The following IGSF10 variants were observed in gnomAD, a reference collection of about 807,000 sequenced individuals.
IGSF10 encodes the protein immunoglobulin superfamily member 10, also known as calvaria mechanical force protein 608.
Under a neutral mutation model 128.2 loss-of-function variants are expected in IGSF10, and 126 were observed. That is an observed-to-expected ratio of 0.98 (90% confidence interval 0.85 to 1.14). The LOEUF is 1.14. Ranked by LOEUF, IGSF10 falls within the 50% of genes most tolerant of loss-of-function variation. IGSF10 has a pLI of 0.00. For synonymous variants in IGSF10, 1,185 were observed against 1,146.2 expected (o/e 1.03, Z -0.68); for missense variants, 3,295 against 3,149.8 (o/e 1.05, Z -1.10).
At position 151,449,113 on chromosome 3, in the gene IGSF10, A is replaced by G. The variant is rs772182496; in HGVS notation, c.868T>C (p.Ser290Pro). 15 of 1,614,058 alleles carry G rather than the reference A, an allele frequency of 9.3e-6. No individual in the cohort carries two copies. Among genetic ancestry groups the G allele is most frequent in the Admixed American group, 1.7e-5 (1 of 60,000 alleles). Residue 290 changes from serine (S) to proline (P), a missense_variant, in exon 6 of 8, where the codon TCA becomes CCA. Physicochemically the swap from Ser to Pro is moderately conservative, Grantham distance 74. Transcript: ENST00000282466. ...AKPTIDSSLKSKSLTILEDSS... is the reference protein window; with the variant it reads ...AKPTIDSSLKPKSLTILEDSS... Reference sequence around the variant, plus strand: ...TCTTCCAGAATAGTCAGGCTCTTTGATTTCAGGGATGAGTCAATGGTTGGC... The same window carrying G: ...TCTTCCAGAATAGTCAGGCTCTTTGGTTTCAGGGATGAGTCAATGGTTGGC...
chr3:151,467,762 T>C, the IGSF10 span, among the ~76,000 whole-genome samples: 1 of 151,772 alleles, frequency 6.6e-6, no homozygotes. Flanking sequence ...CGGGCACCTG[T>C]AGTCCCAGCT....
At chr3:151,509,827 T>C in the IGSF10 span, among the ~76,000 whole-genome samples, 1 of 152,210 alleles carries the variant, frequency 6.6e-6, no homozygotes, top group Non-Finnish European at 1.5e-5. Flanking sequence ...CAGGAGATTA[T>C]ATCCTGCACA....
chr3:151,619,917 T>C, the IGSF10 span, among the ~76,000 whole-genome samples: 5 of 152,180 alleles, frequency 3.3e-5, no homozygotes, highest in Admixed American at 6.5e-5. Context: ...ATGGGATGCA[T>C]TGTGCCATCT....
the IGSF10 span, among the ~76,000 whole-genome samples, chr3:151,614,052 CA>C: frequency 1.3e-5 from 2 of 151,990 alleles, no homozygotes; most frequent in Non-Finnish European, 2.9e-5. Context: ...TTTATGCAGG[CA>C]AAAAACACAT....
the IGSF10 span, among the ~76,000 whole-genome samples, chr3:151,496,077 T>G: frequency 5.9e-5 from 9 of 152,124 alleles, no homozygotes; most frequent in Non-Finnish European, 1.2e-4. Flanking sequence ...TATAAGGCCT[T>G]TCTAGAAGCC....
the IGSF10 span, among the ~76,000 whole-genome samples, chr3:151,521,435 T>G: frequency 3.2e-4 from 48 of 151,958 alleles, no homozygotes; most frequent in Non-Finnish European, 5.9e-4. Flanking sequence ...TGGTGCATAC[T>G]GTAAAACTGA....
At chr3:151,503,971 A>G in the IGSF10 span, among the ~76,000 whole-genome samples, 1 of 152,106 alleles carries the variant, frequency 6.6e-6, no homozygotes, top group Non-Finnish European at 1.5e-5. Flanking sequence ...GTCTCAAAAT[A>G]TATCAAACAC....
intron 2 of IGSF10, among the ~76,000 whole-genome samples, chr3:151,459,589 T>C (rs1007059596): frequency 6.6e-6 from 1 of 152,182 alleles, no homozygotes; most frequent in Non-Finnish European, 1.5e-5. Context: ...TCTCTGCCTT[T>C]TTCCTTGGTC....
the IGSF10 span, among the ~76,000 whole-genome samples, chr3:151,482,294 T>A: frequency 2.6e-4 from 40 of 152,238 alleles, no homozygotes; most frequent in African/African-American, 9.4e-4. Flanking sequence ...AAATAGACAG[T>A]TCAATGAAAC....
At chr3:151,463,184 G>A (rs893643071), upstream of IGSF10, among the ~76,000 whole-genome samples, 1 of 152,110 alleles carries the variant, frequency 6.6e-6, no homozygotes, top group East Asian at 1.9e-4. Flanking sequence ...ATTGCTTTAT[G>A]TCAGAGCTCT....
chr3:151,480,786 G>T, the IGSF10 span, among the ~76,000 whole-genome samples: 1 of 151,950 alleles, frequency 6.6e-6, no homozygotes, highest in Non-Finnish European at 1.5e-5. Flanking sequence ...TCCCTATAGG[G>T]CTGAACTGAA....
At chr3:151,602,440 A>G in the IGSF10 span, among the ~76,000 whole-genome samples, 1 of 152,228 alleles carries the variant, frequency 6.6e-6, no homozygotes, top group South Asian at 2.1e-4. Context: ...CCAATGCTAC[A>G]TGTGTGGCCT....
chr3:151,593,990 T>A, the IGSF10 span, among the ~76,000 whole-genome samples: 2 of 141,290 alleles, frequency 1.4e-5, no homozygotes, highest in African/African-American at 5.0e-5. Context: ...AGGGAATGAA[T>A]ACGGCAGATC....
the IGSF10 span, among the ~76,000 whole-genome samples, chr3:151,500,849 T>TG: frequency 6.6e-6 from 1 of 152,126 alleles, no homozygotes; most frequent in African/African-American, 2.4e-5. Flanking sequence ...TAGCAGATCT[T>TG]GAGTTCCCTC....
chr3:151,504,446 T>TA, the IGSF10 span, among the ~76,000 whole-genome samples: 6 of 152,202 alleles, frequency 3.9e-5, no homozygotes, highest in African/African-American at 7.2e-5. Flanking sequence ...TTAGGATTAA[T>TA]AAAAAATATC....
chr3:151,479,113 T>G, the IGSF10 span, among the ~76,000 whole-genome samples: 2 of 152,124 alleles, frequency 1.3e-5, no homozygotes, highest in Non-Finnish European at 2.9e-5. Context: ...GTAGTCTAGG[T>G]CAAAGAAATC....
At chr3:151,502,900 G>C in the IGSF10 span, among the ~76,000 whole-genome samples, 2 of 151,998 alleles carry the variant, frequency 1.3e-5, no homozygotes, top group Admixed American at 6.6e-5. Flanking sequence ...TAGCAAATTT[G>C]AACTTCTATT....
At chr3:151,506,672 G>A in the IGSF10 span, among the ~76,000 whole-genome samples, 1 of 152,014 alleles carries the variant, frequency 6.6e-6, no homozygotes, top group Non-Finnish European at 1.5e-5. Flanking sequence ...TGAACAATAT[G>A]TGGGCCTAAA....
chr3:151,604,155 T>C, the IGSF10 span, among the ~76,000 whole-genome samples: 2 of 152,202 alleles, frequency 1.3e-5, no homozygotes, highest in Non-Finnish European at 2.9e-5. Context: ...GTAAGTAAAC[T>C]ATCTAAACAC....
Sources: allele counts gnomAD v4.1 joint callset (sites outside exome capture counted in the v4.1 genomes callset), GRCh38; gene constraint gnomAD v4.1.1; transcripts MANE v1.5; gene names NCBI Gene and HGNC (gene_info 2026-07-23, HGNC 2026-07-21).